HHIP: variants seen among roughly 807,000 people sequenced by gnomAD.
The protein encoded by HHIP is hedgehog-interacting protein.
HHIP carries 12 observed loss-of-function variants against 74.0 expected under a neutral mutation model. The ratio of observed to expected loss-of-function variants is 0.16; its 90% confidence interval spans 0.10 to 0.26. The LOEUF (loss-of-function observed/expected upper bound fraction) is 0.26, where lower values mean the gene tolerates loss of function less well. Among genes scored for constraint, HHIP ranks in the 10% least tolerant of loss-of-function variants. The probability of loss-of-function intolerance (pLI) is 1.00; values close to 1 mark genes in which losing one functional copy is unlikely to be tolerated. For synonymous variants in HHIP, 309 were observed against 311.6 expected, an observed-to-expected ratio of 0.99 and a Z score of 0.09; for missense variants, 788 against 845.0, an observed-to-expected ratio of 0.93 and a Z score of 0.84.
At position 144,730,631 on chromosome 4, in the gene HHIP, TC is replaced by T. The variant is rs563457248; in HGVS notation, c.1761-4109del. Among the ~76,000 whole-genome samples, 1,092 of 152,308 alleles carry T rather than the reference TC, an allele frequency of 7.2e-3. 13 individuals are homozygous for T. Among genetic ancestry groups the T allele is most frequent in the Non-Finnish European group, 0.013 (853 of 68,012 alleles). On this transcript the variant is annotated intron_variant, in intron 11 of 12. Transcript: ENST00000296575. ...TTAAGTAAGAAAATGGGTTAATGCA[TC>T]ACAGATATATACCCTAAAGTTTTGT... is the stretch of plus-strand genomic sequence containing the variant.
chr4:144,654,499 C>G (rs1728508975), intron 2 of HHIP, among the ~76,000 whole-genome samples: 1 of 152,100 alleles, frequency 6.6e-6, no homozygotes, highest in Non-Finnish European at 1.5e-5. Flanking sequence ...GGGGGCTGCC[C>G]CTGCGTACCT....
In HHIP at chr4:144,738,334, G is replaced by C. The variant is rs199706798; in HGVS notation, c.*377G>C. 48 of 982,268 alleles carry C rather than the reference G, an allele frequency of 4.9e-5. 1 individual carries two copies. The South Asian group carries it at 1.8e-3, about 37-fold the overall frequency. The allele number at this position is 982,268 out of a possible 1,614,324, so 60.8% of individuals were successfully genotyped here. On this transcript the variant is annotated 3_prime_UTR_variant, in exon 13 of 13. Coordinates refer to ENST00000296575, the MANE Select transcript of HHIP (RefSeq NM_022475.3). ...GTAATCACTAAAGTCAACTTTAATA[G>C]AGTTTTGAAACAGTACTGTGCAATC...
In HHIP at chr4:144,738,007, C is replaced by T; in HGVS notation, c.*50C>T. The T allele has an allele frequency of 6.9e-7, 1 of 1,446,230 alleles. No homozygotes were observed. 89.6% of individuals were successfully genotyped at this position (1,446,230 alleles called of 1,614,324 possible). ...ATTCCAATGGGCATTTATTTTTTAT[C>T]CTGTCATTAAAAAAAAAAGACTGTT... is the stretch of plus-strand genomic sequence containing the variant. On this transcript the variant is annotated 3_prime_UTR_variant, in exon 13 of 13. Coordinates refer to ENST00000296575, the MANE Select transcript of HHIP (RefSeq NM_022475.3).
intron 4 of HHIP, among the ~76,000 whole-genome samples, chr4:144,695,141 T>C (rs1729780077): frequency 6.6e-6 from 1 of 151,858 alleles, no homozygotes; most frequent in African/African-American, 2.4e-5. Flanking sequence ...ATTTGCTTGA[T>C]ATTTGTCAGT....
intron 4 of HHIP, among the ~76,000 whole-genome samples, chr4:144,685,840 A>G (rs2075541427): frequency 6.6e-6 from 1 of 152,230 alleles, no homozygotes; most frequent in African/African-American, 2.4e-5. Flanking sequence ...AGCTTTGCTT[A>G]TAGTAAAACT....
rs1731231913 is a variant in HHIP at position 144,740,319 on chromosome 4, A to G, written c.*2362A>G. On this transcript the variant is annotated 3_prime_UTR_variant, in exon 13 of 13. Transcript: ENST00000296575. Reference sequence around the variant, plus strand: ...TATCTATATTAAGTTGACCAGGCCCAGATTTTTTATACAGCTTTTTCCCAA... The same window carrying G: ...TATCTATATTAAGTTGACCAGGCCCGGATTTTTTATACAGCTTTTTCCCAA... 6.6e-6 allele frequency: 1 copy of G among 152,210 alleles called. No homozygotes were observed. 9.4% of individuals were successfully genotyped at this position (152,210 alleles called of 1,614,324 possible). A position where few individuals can be genotyped will look rare whatever the true frequency, so the allele number is the denominator to read the frequency against.
At chr4:144,737,681 C>A in intron 12 of HHIP, 83 bp from the exon 13 acceptor site, 2 of 1,211,226 alleles carry the variant, frequency 1.7e-6, no homozygotes, top group South Asian at 2.2e-5. Flanking sequence ...CCTTATTCAG[C>A]AAATATTTGT....
intron 4 of HHIP, among the ~76,000 whole-genome samples, chr4:144,672,179 T>C (rs144984479): frequency 1.1e-4 from 17 of 152,212 alleles, no homozygotes; most frequent in African/African-American, 3.9e-4. Flanking sequence ...TTTATTTTGA[T>C]TTTTTTCCCT....
intron 4 of HHIP, among the ~76,000 whole-genome samples, chr4:144,705,325 G>A (rs1730104027): frequency 6.6e-6 from 1 of 152,218 alleles, no homozygotes; most frequent in Non-Finnish European, 1.5e-5. Context: ...AAACATGAGA[G>A]TGCTTCCATG....
chr4:144,664,486 T>C (rs1439259314), intron 4 of HHIP, among the ~76,000 whole-genome samples: 2 of 152,254 alleles, frequency 1.3e-5, no homozygotes, highest in Non-Finnish European at 2.9e-5. Context: ...CAAACCTTTT[T>C]ACATTTTTTT....
chr4:144,660,039 C>T (rs146916919), intron 4 of HHIP: 31 of 566,544 alleles, frequency 5.5e-5, no homozygotes, highest in East Asian at 2.3e-4. Context: ...GACTATTGTG[C>T]GCTGCAATCG....
intron 10 of HHIP, among the ~76,000 whole-genome samples, chr4:144,718,430 T>C (rs560975782): frequency 5.3e-4 from 80 of 152,328 alleles, no homozygotes; most frequent in African/African-American, 1.6e-3. Flanking sequence ...GATGAGGTTA[T>C]AGCAGTAAGT....
intron 4 of HHIP, among the ~76,000 whole-genome samples, chr4:144,702,974 T>C (rs1007731744): frequency 8.5e-5 from 13 of 152,158 alleles, no homozygotes; most frequent in Admixed American, 3.3e-4. Flanking sequence ...CCCAGCACTT[T>C]GGGAGGCCGA....
At chr4:144,689,992 G>C (rs1729600800) in intron 4 of HHIP, among the ~76,000 whole-genome samples, 1 of 152,048 alleles carries the variant, frequency 6.6e-6, no homozygotes, top group South Asian at 2.1e-4. Flanking sequence ...TATTTTTATA[G>C]AGACAGGGTT....
chr4:144,680,040 T>C (rs17019625), intron 4 of HHIP, among the ~76,000 whole-genome samples: 1 of 152,202 alleles, frequency 6.6e-6, no homozygotes, highest in Non-Finnish European at 1.5e-5. Context: ...CTTTGTTATA[T>C]TTAAACATGT....
At chr4:144,688,296 G>T (rs2126630917) in intron 4 of HHIP, among the ~76,000 whole-genome samples, 1 of 152,290 alleles carries the variant, frequency 6.6e-6, no homozygotes, top group East Asian at 1.9e-4. Flanking sequence ...GCTTGATTTG[G>T]CCTTGAGTAG....
chr4:144,724,786 T>C (rs1199193040), intron 11 of HHIP, among the ~76,000 whole-genome samples: 3 of 150,818 alleles, frequency 2.0e-5, no homozygotes, highest in Non-Finnish European at 4.4e-5. Context: ...AGGAATTTTC[T>C]CTTTTATACT....
intron 5 of HHIP, 87 bp downstream of exon 5, chr4:144,706,769 A>G (rs1321580938): frequency 8.0e-7 from 1 of 1,243,940 alleles, no homozygotes; most frequent in African/African-American, 1.5e-5. Flanking sequence ...AGAAGTTGCA[A>G]ATAAGTAACC....
At position 144,667,873 on chromosome 4, in the gene HHIP, T is replaced by C. The variant is rs138802825; in HGVS notation, c.831+8035T>C. Among the ~76,000 whole-genome samples, 86 of 152,260 alleles carry C rather than the reference T, an allele frequency of 5.6e-4. No individual in the cohort carries two copies. In the East Asian group the frequency reaches 0.014, roughly 24 times the overall value. ...GGACTGAAAAGTAAGAAGGCACATATTTTTGCCCACTAGCAACTATGGCTC... is the reference window on the plus strand; with the variant it reads ...GGACTGAAAAGTAAGAAGGCACATACTTTTGCCCACTAGCAACTATGGCTC... On this transcript the variant is annotated intron_variant, in intron 4 of 12. Coordinates refer to ENST00000296575, the MANE Select transcript of HHIP (RefSeq NM_022475.3).
Sources: allele counts gnomAD v4.1 joint callset (sites outside exome capture counted in the v4.1 genomes callset), GRCh38; gene constraint gnomAD v4.1.1; transcripts MANE v1.5; gene names NCBI Gene and HGNC (gene_info 2026-07-23, HGNC 2026-07-21).